The following ASH1L variants were observed in gnomAD, a reference collection of about 807,000 sequenced individuals.
ASH1L encodes ASH1 like histone lysine methyltransferase.
Under a neutral mutation model 269.0 loss-of-function variants are expected in ASH1L, and 23 were observed. That is an observed-to-expected ratio of 0.09 (90% CI 0.06 to 0.12). ASH1L has a LOEUF of 0.12. Among genes scored for constraint, ASH1L ranks in the 10% least tolerant of loss-of-function variants. ASH1L has a pLI of 1.00. For synonymous variants in ASH1L, 1,187 were observed against 1,253.5 expected (o/e 0.95, Z 1.12); for missense variants, 2,912 against 3,567.8 (o/e 0.82, Z 4.68).
chr1:155,510,665 T>C (rs1184788152), intron 2 of ASH1L, among the ~76,000 whole-genome samples: 2 of 152,140 alleles, frequency 1.3e-5, no homozygotes, highest in Admixed American at 6.6e-5. Context: ...GGAGTTACTC[T>C]TCTGGAAGTT....
intron 5 of ASH1L, among the ~76,000 whole-genome samples, chr1:155,425,339 G>A (rs866757293): frequency 3.4e-5 from 5 of 148,856 alleles, no homozygotes; most frequent in African/African-American, 7.5e-5. Context: ...GTGCAGTGGC[G>A]CGATCTCGGA....
intron 10 of ASH1L, among the ~76,000 whole-genome samples, chr1:155,376,973 C>A (rs1259998237): frequency 4.6e-5 from 7 of 151,208 alleles, no homozygotes; most frequent in African/African-American, 1.7e-4. Flanking sequence ...AATGGCAGGA[C>A]CTTGGCTCAC....
intron 7 of ASH1L, among the ~76,000 whole-genome samples, chr1:155,391,759 A>G (rs1657947190): frequency 6.6e-6 from 1 of 152,106 alleles, no homozygotes; most frequent in South Asian, 2.1e-4. Flanking sequence ...GTTTGAGACT[A>G]GCCTGAGCAA....
rs11442413 is a variant in ASH1L, at chr1:155,421,317, GTTTTTTTTTTT to G, written c.5829-5405_5829-5395del. Among the ~76,000 whole-genome samples, 4 of 85,892 alleles carry G rather than the reference GTTTTTTTTTTT, an allele frequency of 4.7e-5. 1 individual carries two copies. In the South Asian group the frequency reaches 2.2e-3, roughly 47 times the overall value. 56.3% of individuals were successfully genotyped at this position (85,892 alleles called of 152,430 possible). ...TCTAACACAATCTCAAGTACCAACAGTTTTTTTTTTTTTTTTTTTTTTTGAGAAAATGCCAA... is the reference window on the plus strand; with the variant it reads ...TCTAACACAATCTCAAGTACCAACAGTTTTTTTTTTTTGAGAAAATGCCAA... On this transcript the variant is annotated intron_variant, in intron 5 of 27. Coordinates refer to ENST00000392403, the MANE Select transcript of ASH1L (RefSeq NM_018489.3).
At chr1:155,468,988 T>C (rs977457262) in intron 3 of ASH1L, among the ~76,000 whole-genome samples, 1 of 151,762 alleles carries the variant, frequency 6.6e-6, no homozygotes, top group African/African-American at 2.4e-5. Context: ...GAGGAAAAAA[T>C]AGCAAAATGT....
At chr1:155,514,919 C>T (rs779139304) in intron 2 of ASH1L, among the ~76,000 whole-genome samples, 4 of 152,122 alleles carry the variant, frequency 2.6e-5, no homozygotes, top group Non-Finnish European at 5.9e-5. Flanking sequence ...ATTTCTCAGA[C>T]TGTGATGTGT....
chr1:155,359,049 G>C (rs1452956679), intron 13 of ASH1L, among the ~76,000 whole-genome samples: 4 of 152,174 alleles, frequency 2.6e-5, no homozygotes, highest in Non-Finnish European at 5.9e-5. Flanking sequence ...AAGCCCAGGA[G>C]ATTAAGGCTG....
At chr1:155,451,059 TGGTGGCACA>T (rs1400289596) in intron 4 of ASH1L, among the ~76,000 whole-genome samples, 1 of 151,418 alleles carries the variant, frequency 6.6e-6, no homozygotes, top group Non-Finnish European at 1.5e-5. Context: ...TAGCTTGGCA[TGGTGGCACA>T]TGCCTGTAAT....
chr1:155,538,985 G>C (rs1670243293), intron 1 of ASH1L, among the ~76,000 whole-genome samples: 1 of 151,908 alleles, frequency 6.6e-6, no homozygotes, highest in African/African-American at 2.4e-5. Flanking sequence ...ACTACTACAG[G>C]TTACTATGAT....
chr1:155,538,672 C>T (rs1183867901), intron 1 of ASH1L, among the ~76,000 whole-genome samples: 2 of 121,954 alleles, frequency 1.6e-5, no homozygotes, highest in Non-Finnish European at 3.3e-5. Flanking sequence ...TTAATAAAGA[C>T]GGCTCTATCA....
intron 2 of ASH1L, among the ~76,000 whole-genome samples, chr1:155,512,869 G>A (rs1668253350): frequency 6.6e-6 from 1 of 151,680 alleles, no homozygotes. Context: ...AGACCAGCCT[G>A]GGCAACATAA....
chr1:155,454,620 T>C (rs1366585679), intron 4 of ASH1L, among the ~76,000 whole-genome samples: 1 of 151,854 alleles, frequency 6.6e-6, no homozygotes, highest in Non-Finnish European at 1.5e-5. Context: ...ATACAAAAAT[T>C]AGCCAGGCGT....
At chr1:155,403,472 TAA>T (rs1659021220) in intron 6 of ASH1L, among the ~76,000 whole-genome samples, 1 of 152,200 alleles carries the variant, frequency 6.6e-6, no homozygotes, top group Non-Finnish European at 1.5e-5. Flanking sequence ...ACAAATTACT[TAA>T]GTTTCTCTAA....
At chr1:155,460,365 T>C (rs1253737044) in intron 3 of ASH1L, among the ~76,000 whole-genome samples, 6 of 152,204 alleles carry the variant, frequency 3.9e-5, no homozygotes. Flanking sequence ...ATCCCAGTAC[T>C]TTGGGAGGCC....
At chr1:155,371,734 C>T (rs2148418249) in intron 10 of ASH1L, among the ~76,000 whole-genome samples, 1 of 147,806 alleles carries the variant, frequency 6.8e-6, no homozygotes, top group African/African-American at 2.5e-5. Context: ...GGCTCTGTTG[C>T]CCAGGCTGGA....
intron 1 of ASH1L, among the ~76,000 whole-genome samples, chr1:155,523,588 T>A (rs544750747): frequency 1.3e-5 from 2 of 152,282 alleles, no homozygotes; most frequent in East Asian, 3.9e-4. Context: ...TAAAAGGTAC[T>A]GGCCGGGTAT....
intron 12 of ASH1L, among the ~76,000 whole-genome samples, chr1:155,366,530 A>G (rs2148403066): frequency 6.6e-6 from 1 of 152,158 alleles, no homozygotes; most frequent in South Asian, 2.1e-4. Flanking sequence ...ACCCTTGAAC[A>G]TTGTGTATTT....
intron 10 of ASH1L, among the ~76,000 whole-genome samples, chr1:155,375,286 G>A (rs73008959): frequency 1.8e-3 from 281 of 152,304 alleles, no homozygotes; most frequent in African/African-American, 6.6e-3. Flanking sequence ...AGTTTCTAGA[G>A]TTCAAGGCAT....
At chr1:155,552,239 G>T (rs1189456510) in intron 1 of ASH1L, among the ~76,000 whole-genome samples, 1 of 151,876 alleles carries the variant, frequency 6.6e-6, no homozygotes, top group Non-Finnish European at 1.5e-5. Context: ...GGCCAAAGCA[G>T]GAGGATTACC....
Sources: allele counts gnomAD v4.1 joint callset (sites outside exome capture counted in the v4.1 genomes callset), GRCh38; gene constraint gnomAD v4.1.1; transcripts MANE v1.5; gene names NCBI Gene and HGNC (gene_info 2026-07-23, HGNC 2026-07-21).